Variants in CFAP20DC observed in about 807,000 individuals in gnomAD.
CFAP20DC encodes protein CFAP20DC.
In CFAP20DC, 84 loss-of-function variants were observed where a neutral mutation model predicts 101.7. The observed-to-expected ratio is 0.83, with a 90% CI of 0.69 to 0.99. The LOEUF (loss-of-function observed/expected upper bound fraction) is 0.99. Among genes scored for constraint, CFAP20DC ranks in the 50% least tolerant of loss-of-function variants. The pLI, the probability that CFAP20DC is intolerant of heterozygous loss-of-function variation, is 0.00. For missense variants in CFAP20DC, 1,007 were observed against 970.3 expected (o/e 1.04, Z -0.50); for synonymous variants, 359 against 351.2 (o/e 1.02, Z -0.25).
At chr3:58,998,321 T>C (rs1176956792) in intron 4 of CFAP20DC, among the ~76,000 whole-genome samples, 3 of 152,226 alleles carry the variant, frequency 2.0e-5, no homozygotes, top group South Asian at 2.1e-4. Context: ...GCAAACTGTA[T>C]ATGACTGTGG....
chr3:58,817,353 G>A (rs1208253703), intron 14 of CFAP20DC, among the ~76,000 whole-genome samples: 10 of 151,920 alleles, frequency 6.6e-5, no homozygotes, highest in African/African-American at 1.9e-4. Flanking sequence ...AGCTATGGGA[G>A]GACATTCAAA....
rs554980977 is a variant in CFAP20DC, at chr3:58,974,805, GC to G, written c.279-37044del. Among the ~76,000 whole-genome samples, 77 of 152,182 alleles carry G rather than the reference GC, an allele frequency of 5.1e-4. 1 individual carries two copies. Among genetic ancestry groups the G allele is most frequent in the African/African-American group, 1.8e-3 (76 of 41,512 alleles). On this transcript the variant is annotated intron_variant, in intron 4 of 16. Coordinates refer to ENST00000482387, the MANE Select transcript of CFAP20DC (RefSeq NM_001394063.1). ...CAAGTGGTCCTGGTTCTCTTGCCCA[GC>G]CCACTGCTACTGGGCCAGGTGAATA...
intron 3 of CFAP20DC, chr3:58,727,702 G>T (rs774018313): frequency 1.3e-5 from 2 of 152,350 alleles, no homozygotes; most frequent in Non-Finnish European, 2.9e-5. Flanking sequence ...GCCTCCCAAA[G>T]TGCTGAGATT....
chr3:58,928,607 A>T (rs1430703180), intron 5 of CFAP20DC, among the ~76,000 whole-genome samples: 1 of 152,180 alleles, frequency 6.6e-6, no homozygotes, highest in Non-Finnish European at 1.5e-5. Context: ...TATGTTATAT[A>T]TGTAATAAAA....
intron 15 of CFAP20DC, among the ~76,000 whole-genome samples, chr3:58,794,982 G>A (rs115183582): frequency 3.1e-3 from 467 of 152,272 alleles, no homozygotes; most frequent in African/African-American, 0.011. Context: ...ATGAGTCTAC[G>A]GATGTGACTG....
At chr3:58,889,946 C>G (rs2082010038) in intron 6 of CFAP20DC, among the ~76,000 whole-genome samples, 1 of 133,900 alleles carries the variant, frequency 7.5e-6, no homozygotes, top group Admixed American at 7.4e-5. Context: ...TCTCCCATGT[C>G]TACTTCTTTC....
chr3:58,786,336 T>C (rs1274338886), intron 15 of CFAP20DC, among the ~76,000 whole-genome samples: 2 of 152,178 alleles, frequency 1.3e-5, no homozygotes, highest in Non-Finnish European at 2.9e-5. Flanking sequence ...TCTGCTCCCA[T>C]GGAGCTTACA....
rs770109570 is a variant in CFAP20DC, at chr3:58,869,371, A to G, written c.972T>C (p.Asn324=). ...LLIPESEEQG[N]KENIHQIKQT... is the part of the protein sequence containing the mutation. ...GCTTTATTTGGTGAATATTTTCTTTATTTCCTTGTTCCTCAGACTCAGGTA... is the reference window on the plus strand; with the variant it reads ...GCTTTATTTGGTGAATATTTTCTTTGTTTCCTTGTTCCTCAGACTCAGGTA... Residue 324 remains asparagine, a synonymous_variant, in exon 9 of 17, where the codon AAT becomes AAC. Transcript: ENST00000482387. The surrounding 1 kb of genome is among the most constrained non-coding windows in gnomAD (Gnocchi z 4.3). The G allele has an allele frequency of 1.9e-6, 3 of 1,613,666 alleles. No individual in the cohort carries two copies. The highest frequency in any genetic ancestry group is 1.7e-4 in the Middle Eastern group (1 of 6,054).
intron 1 of CFAP20DC, 43 bp downstream of exon 1, chr3:59,049,568 G>A (rs1436616518): frequency 6.6e-7 from 1 of 1,518,556 alleles, no homozygotes. Flanking sequence ...CCTCACCCAA[G>A]AGGAGAAAGG....
At chr3:58,926,367 T>TA (rs916491566) in intron 5 of CFAP20DC, among the ~76,000 whole-genome samples, 24 of 149,578 alleles carry the variant, frequency 1.6e-4, no homozygotes, top group African/African-American at 2.4e-4. Context: ...GAGACTCCAT[T>TA]AAAAAAAAAG....
chr3:58,813,441 A>C (rs12629745), intron 14 of CFAP20DC, among the ~76,000 whole-genome samples: 15,174 of 151,880 alleles, frequency 0.1, 1,458 homozygotes, highest in East Asian at 0.35. Flanking sequence ...AGTTTGCTAT[A>C]CATGTTTAAA....
intron 4 of CFAP20DC, among the ~76,000 whole-genome samples, chr3:58,950,461 T>C (rs939374826): frequency 6.6e-6 from 1 of 152,220 alleles, no homozygotes; most frequent in African/African-American, 2.4e-5. Flanking sequence ...AAGTCAATCC[T>C]AAGCCAAAAG....
intron 1 of CFAP20DC, among the ~76,000 whole-genome samples, chr3:59,049,376 A>G (rs1700126550): frequency 6.6e-6 from 1 of 152,198 alleles, no homozygotes; most frequent in Admixed American, 6.5e-5. Flanking sequence ...CAGACAATTA[A>G]TTCATCTTAA....
intron 4 of CFAP20DC, among the ~76,000 whole-genome samples, chr3:58,960,083 T>C (rs990892161): frequency 6.6e-6 from 1 of 152,236 alleles, no homozygotes; most frequent in Admixed American, 6.5e-5. Context: ...TATTCTCTTA[T>C]CGTTTTAATT....
intron 5 of CFAP20DC, among the ~76,000 whole-genome samples, chr3:58,928,235 T>A (rs1210496313): frequency 6.6e-6 from 1 of 152,188 alleles, no homozygotes; most frequent in African/African-American, 2.4e-5. Context: ...AAATAGATTG[T>A]TAAAGTGCAA....
At chr3:59,018,551 G>C (rs1279091311) in intron 4 of CFAP20DC, 1 of 152,048 alleles carries the variant, frequency 6.6e-6, no homozygotes. Flanking sequence ...TTTCACCAAA[G>C]ATGCATAACA....
At chr3:58,782,937 A>C (rs910732795) in intron 15 of CFAP20DC, among the ~76,000 whole-genome samples, 1 of 152,098 alleles carries the variant, frequency 6.6e-6, no homozygotes, top group African/African-American at 2.4e-5. Context: ...GCCACGTAAG[A>C]ACCTGAATAG....
chr3:58,902,231 T>C (rs150700949), intron 6 of CFAP20DC, among the ~76,000 whole-genome samples: 63 of 152,346 alleles, frequency 4.1e-4, no homozygotes, highest in African/African-American at 1.4e-3. Flanking sequence ...TTTTGGCTAA[T>C]GTGAATTGTG....
Position 58,870,190 on chromosome 3 carries a change from T to G in CFAP20DC, c.835A>C (p.Met279Leu), listed in dbSNP as rs866896455. Residue 279 changes from methionine (M) to leucine (L), a missense_variant, in exon 8 of 17, where the codon ATG (methionine) becomes CTG (leucine). Coordinates refer to ENST00000482387, the MANE Select transcript of CFAP20DC (RefSeq NM_001394063.1). The stretch of plus-strand genomic sequence containing the variant: ...GCTCCTACCTCGCTGGATATCTTCA[T>G]GTTATTCCTTCTGCCAGAGAGTGGA... ...PPPLSGRRNN[M>L]KISSETVRSV... The G allele has an allele frequency of 1.5e-5, 24 of 1,606,328 alleles. No individual in the cohort carries two copies. In the Middle Eastern group the frequency reaches 3.0e-3, roughly 200 times the overall value.
Sources: gnomAD v4.1 joint callset for allele counts (sites outside exome capture counted in the v4.1 genomes callset) on GRCh38, gnomAD v4.1.1 for gene constraint, Gnocchi (gnomAD v3.1) non-coding constraint, MANE v1.5 for transcripts, NCBI Gene and HGNC (gene_info 2026-07-23, HGNC 2026-07-21) for gene names.